QTMAN: variants seen among roughly 807,000 people sequenced by gnomAD.
The protein encoded by QTMAN is queuosine-tRNA mannosyltransferase.
At chr2:143,991,304 G>C in the QTMAN span, among the ~76,000 whole-genome samples, 1 of 152,114 alleles carries the variant, frequency 6.6e-6, no homozygotes, top group Non-Finnish European at 1.5e-5. Context: ...CATTATCACA[G>C]TGAAGGTGAA....
chr2:144,294,125 T>C, the QTMAN span, among the ~76,000 whole-genome samples: 1 of 152,300 alleles, frequency 6.6e-6, no homozygotes. Context: ...CTTAGCAGGG[T>C]AAAATGCCCT....
chr2:144,038,485 G>A, the QTMAN span, among the ~76,000 whole-genome samples: 1 of 152,136 alleles, frequency 6.6e-6, no homozygotes, highest in African/African-American at 2.4e-5. Context: ...GAGAACAAAT[G>A]TGGTTTCCTT....
the QTMAN span, among the ~76,000 whole-genome samples, chr2:143,972,567 C>T: frequency 6.6e-6 from 1 of 152,042 alleles, no homozygotes; most frequent in African/African-American, 2.4e-5. Flanking sequence ...TTCAAAGCAG[C>T]AGGCTTTATA....
At chr2:144,278,472 C>G in the QTMAN span, among the ~76,000 whole-genome samples, 1 of 151,598 alleles carries the variant, frequency 6.6e-6, no homozygotes. Context: ...GCACCTACTA[C>G]GGGCCAAGAG....
chr2:144,195,867 T>C, the QTMAN span, among the ~76,000 whole-genome samples: 3 of 152,092 alleles, frequency 2.0e-5, no homozygotes, highest in African/African-American at 7.2e-5. Flanking sequence ...CTAAAATAAC[T>C]GCATAATCCT....
At chr2:144,071,833 TCAAA>T in the QTMAN span, among the ~76,000 whole-genome samples, 1 of 152,120 alleles carries the variant, frequency 6.6e-6, no homozygotes, top group Non-Finnish European at 1.5e-5. Context: ...TTTCTTCTAA[TCAAA>T]CAAATCTTTT....
the QTMAN span, among the ~76,000 whole-genome samples, chr2:144,224,755 G>T: frequency 6.6e-6 from 1 of 152,174 alleles, no homozygotes; most frequent in African/African-American, 2.4e-5. Flanking sequence ...AGGAAGCTCT[G>T]TGCGACCACA....
chr2:144,022,070 A>T, the QTMAN span, among the ~76,000 whole-genome samples: 1 of 152,262 alleles, frequency 6.6e-6, no homozygotes, highest in Non-Finnish European at 1.5e-5. Context: ...TTTGCTTTTT[A>T]TTATAAACCT....
the QTMAN span, among the ~76,000 whole-genome samples, chr2:144,041,105 C>A: frequency 6.6e-6 from 1 of 152,120 alleles, no homozygotes; most frequent in Non-Finnish European, 1.5e-5. Flanking sequence ...ACTTTCATTG[C>A]GCTTGAGAAT....
At chr2:144,001,512 A>G in the QTMAN span, among the ~76,000 whole-genome samples, 1 of 151,968 alleles carries the variant, frequency 6.6e-6, no homozygotes, top group African/African-American at 2.4e-5. Context: ...TTCTACTTTA[A>G]GTGAAGAGCT....
chr2:144,107,933 T>G, the QTMAN span, among the ~76,000 whole-genome samples: 1 of 152,312 alleles, frequency 6.6e-6, no homozygotes, highest in East Asian at 1.9e-4. Flanking sequence ...ATCCCTGGGA[T>G]GCAAAGCTGG....
the QTMAN span, among the ~76,000 whole-genome samples, chr2:144,039,291 C>T: frequency 2.0e-5 from 3 of 152,034 alleles, no homozygotes; most frequent in Non-Finnish European, 4.4e-5. Context: ...CTCCCCCTCC[C>T]CCCTGCTCCT....
the QTMAN span, among the ~76,000 whole-genome samples, chr2:144,101,843 T>C: frequency 0.17 from 25,164 of 152,128 alleles, 4,010 homozygotes; most frequent in African/African-American, 0.4. Flanking sequence ...TGCTTATCAC[T>C]CATTATTCTT....
the QTMAN span, chr2:143,940,356 T>C: frequency 6.6e-6 from 1 of 152,258 alleles, no homozygotes; most frequent in Non-Finnish European, 1.5e-5. Flanking sequence ...CAAGATGTAA[T>C]ATACTTATAT....
chr2:144,309,492 AT>A, the QTMAN span, among the ~76,000 whole-genome samples: 4 of 152,236 alleles, frequency 2.6e-5, no homozygotes, highest in African/African-American at 7.2e-5. Flanking sequence ...CAAAAACATC[AT>A]GCTCTAAAGA....
chr2:144,284,964 G>A, the QTMAN span, among the ~76,000 whole-genome samples: 3 of 145,446 alleles, frequency 2.1e-5, no homozygotes, highest in Non-Finnish European at 4.5e-5. Flanking sequence ...TAATTAGCTG[G>A]ATGTAGTGGA....
At chr2:144,173,506 C>T in the QTMAN span, among the ~76,000 whole-genome samples, 1 of 152,162 alleles carries the variant, frequency 6.6e-6, no homozygotes, top group Non-Finnish European at 1.5e-5. Context: ...TTTAGTCCAA[C>T]AGCCCATAAA....
chr2:144,269,131 A>G, the QTMAN span, among the ~76,000 whole-genome samples: 1 of 152,198 alleles, frequency 6.6e-6, no homozygotes, highest in Non-Finnish European at 1.5e-5. Flanking sequence ...TCTACGTAAG[A>G]TGTTACAAAT....
chr2:144,199,958 C>T, the QTMAN span, among the ~76,000 whole-genome samples: 1 of 152,244 alleles, frequency 6.6e-6, no homozygotes, highest in East Asian at 1.9e-4. Flanking sequence ...GCTGATTCTC[C>T]TACCATAGTA....
Sources: allele counts gnomAD v4.1 joint callset (sites outside exome capture counted in the v4.1 genomes callset), GRCh38; gene constraint gnomAD v4.1.1; transcripts MANE v1.5; gene names NCBI Gene and HGNC (gene_info 2026-07-23, HGNC 2026-07-21).